The following FOCAD variants were observed in gnomAD, a reference collection of about 807,000 sequenced individuals.
The protein encoded by FOCAD is KIAA1797.
FOCAD carries 198 observed loss-of-function variants against 225.6 expected under a neutral mutation model. The ratio of observed to expected loss-of-function variants is 0.88; its 90% confidence interval spans 0.78 to 0.99. The LOEUF (loss-of-function observed/expected upper bound fraction) is 0.99. Ranked by LOEUF, FOCAD falls within the 50% of genes least tolerant of loss-of-function variation. The probability of loss-of-function intolerance (pLI) is 0.00; values close to 1 mark genes in which losing one functional copy is unlikely to be tolerated. For synonymous variants in FOCAD, 897 were observed against 755.0 expected (o/e 1.19, Z -3.08); for missense variants, 2,713 against 2,123.6 (o/e 1.28, Z -5.46).
intron 10 of FOCAD, among the ~76,000 whole-genome samples, chr9:20,784,161 C>T (rs945600859): frequency 3.3e-5 from 5 of 152,242 alleles, no homozygotes; most frequent in Admixed American, 2.0e-4. Context: ...CACAGGAAAC[C>T]ACTTGTCGTG....
intron 1 of FOCAD, among the ~76,000 whole-genome samples, chr9:20,694,798 T>C (rs1472236295): frequency 1.3e-5 from 2 of 152,212 alleles, no homozygotes; most frequent in African/African-American, 4.8e-5. Flanking sequence ...AAAGTACTAT[T>C]ACTAGGCCAT....
intron 26 of FOCAD, among the ~76,000 whole-genome samples, chr9:20,927,299 A>T (rs1477378008): frequency 6.6e-6 from 1 of 152,164 alleles, no homozygotes; most frequent in African/African-American, 2.4e-5. Context: ...AAATGAAGGA[A>T]TTGAAAAATA....
intron 8 of FOCAD, among the ~76,000 whole-genome samples, chr9:20,771,003 A>G (rs1293186257): frequency 6.6e-6 from 1 of 152,196 alleles, no homozygotes; most frequent in African/African-American, 2.4e-5. Flanking sequence ...ACAATAAGAG[A>G]AAGGATTTTA....
intron 36 of FOCAD, 146 bp downstream of exon 36, chr9:20,976,694 ACTTTC>A: frequency 1.2e-6 from 1 of 868,750 alleles, no homozygotes; most frequent in Non-Finnish European, 1.8e-6. Context: ...TGGCTGGGTT[ACTTTC>A]ACTCAGTCAT....
intron 8 of FOCAD, among the ~76,000 whole-genome samples, chr9:20,771,649 T>C (rs1314881129): frequency 6.6e-6 from 1 of 152,088 alleles, no homozygotes; most frequent in African/African-American, 2.4e-5. Context: ...AATCTACTCA[T>C]GATGCTGAGG....
intron 22 of FOCAD, among the ~76,000 whole-genome samples, chr9:20,912,446 C>T (rs1833516424): frequency 6.6e-6 from 1 of 152,020 alleles, no homozygotes; most frequent in Admixed American, 6.6e-5. Context: ...TTAAGTGTTA[C>T]ATACTTTAGC....
At chr9:20,918,717 C>G (rs1671359620) in intron 24 of FOCAD, among the ~76,000 whole-genome samples, 1 of 136,344 alleles carries the variant, frequency 7.3e-6, no homozygotes, top group African/African-American at 2.7e-5. Flanking sequence ...GAGCGAGACT[C>G]CGTCTCAAAA....
intron 4 of FOCAD, among the ~76,000 whole-genome samples, chr9:20,735,609 G>C (rs567981070): frequency 6.6e-6 from 1 of 151,642 alleles, no homozygotes; most frequent in Non-Finnish European, 1.5e-5. Flanking sequence ...TCAAACTCCT[G>C]GGCTCAAGTG....
intron 1 of FOCAD, among the ~76,000 whole-genome samples, chr9:20,707,954 ACT>A (rs1355720159): frequency 6.6e-6 from 1 of 152,196 alleles, no homozygotes; most frequent in Non-Finnish European, 1.5e-5. Context: ...ACATGGAAAT[ACT>A]TAGGGACTGG....
intron 21 of FOCAD, among the ~76,000 whole-genome samples, chr9:20,895,007 G>C (rs1316108224): frequency 6.6e-6 from 1 of 151,998 alleles, no homozygotes; most frequent in Non-Finnish European, 1.5e-5. Flanking sequence ...TATGAAGAGT[G>C]TAAAGTCAGG....
chr9:20,697,198 T>C (rs2131377926), intron 1 of FOCAD, among the ~76,000 whole-genome samples: 1 of 152,368 alleles, frequency 6.6e-6, no homozygotes, highest in Middle Eastern at 3.4e-3. Flanking sequence ...ACTGCTGTTA[T>C]CCTTGTCCAA....
intron 28 of FOCAD, among the ~76,000 whole-genome samples, chr9:20,944,355 A>C (rs1836965663): frequency 6.6e-6 from 1 of 152,156 alleles, no homozygotes; most frequent in South Asian, 2.1e-4. Context: ...CATAAAGTTT[A>C]AGTCAAACTA....
intron 35 of FOCAD, among the ~76,000 whole-genome samples, chr9:20,965,391 C>T (rs1839167722): frequency 6.6e-6 from 1 of 152,066 alleles, no homozygotes; most frequent in Non-Finnish European, 1.5e-5. Context: ...TTGGGAGTAT[C>T]GAGAACAGAA....
intron 11 of FOCAD, among the ~76,000 whole-genome samples, chr9:20,817,358 C>G (rs536130494): frequency 2.0e-5 from 3 of 152,214 alleles, no homozygotes; most frequent in Admixed American, 6.5e-5. Context: ...ACGTCACTGC[C>G]TGTTTCACCC....
At chr9:20,934,698 G>A (rs1214944164) in intron 28 of FOCAD, among the ~76,000 whole-genome samples, 1 of 151,880 alleles carries the variant, frequency 6.6e-6, no homozygotes, top group Non-Finnish European at 1.5e-5. Flanking sequence ...TGTTCTTTTT[G>A]CCTAGTCTTG....
intron 21 of FOCAD, among the ~76,000 whole-genome samples, chr9:20,904,934 A>T (rs1301838140): frequency 2.0e-5 from 3 of 152,018 alleles, no homozygotes; most frequent in African/African-American, 7.2e-5. Context: ...GTGGCTGACT[A>T]TACAGTATAT....
Position 20,885,112 on chromosome 9 carries a change from G to T in FOCAD, c.2507G>T (p.Gly836Val), listed in dbSNP as rs746017573. The change falls in exon 21 of 44, where the codon GGT (glycine) becomes GTT (valine). Residue 836 changes from glycine (G) to valine (V), a missense_variant. Coordinates refer to ENST00000338382, the MANE Select transcript of FOCAD (RefSeq NM_001375567.1). ...GTCTATATAATTTTTTTTAAAGGTG[G>T]TATGTTATTTTGCTATGATGTTTCC... ...QPGLKPGLAG[G>V]MLFCYDVSMY... 4.2e-6 allele frequency: 6 copies of T among 1,442,904 alleles called. No homozygotes were observed. Among genetic ancestry groups the T allele is most frequent in the East Asian group, 5.1e-5 (2 of 38,958 alleles). The allele number at this position is 1,442,904 out of a possible 1,614,324, so 89.4% of individuals were successfully genotyped here.
At chr9:20,871,345 T>C (rs1829747074) in intron 18 of FOCAD, among the ~76,000 whole-genome samples, 1 of 152,156 alleles carries the variant, frequency 6.6e-6, no homozygotes, top group South Asian at 2.1e-4. Context: ...TGCAGTTTTT[T>C]TCTTTTGCGC....
intron 2 of FOCAD, among the ~76,000 whole-genome samples, chr9:20,674,703 A>G (rs538043923): frequency 6.6e-6 from 1 of 152,206 alleles, no homozygotes; most frequent in Non-Finnish European, 1.5e-5. Context: ...TGTCTGGAGG[A>G]CGATGATGAT....
Sources: allele counts gnomAD v4.1 joint callset (sites outside exome capture counted in the v4.1 genomes callset), GRCh38; gene constraint gnomAD v4.1.1; transcripts MANE v1.5; gene names NCBI Gene and HGNC (gene_info 2026-07-23, HGNC 2026-07-21).